SLC16A7: variants seen among roughly 807,000 people sequenced by gnomAD.
SLC16A7 encodes solute carrier family 16 member 7.
Under a neutral mutation model 34.9 loss-of-function variants are expected in SLC16A7, and 33 were observed. The observed-to-expected ratio is 0.94, with a 90% CI of 0.72 to 1.26. SLC16A7 has a LOEUF of 1.26. Among genes scored for constraint, SLC16A7 ranks in the 50% most tolerant of loss-of-function variants. The pLI is 0.00. For synonymous variants in SLC16A7, 201 were observed against 206.6 expected, an observed-to-expected ratio of 0.97 and a Z score of 0.23; for missense variants, 573 against 578.1, an observed-to-expected ratio of 0.99 and a Z score of 0.09.
chr12:59,767,163 T>C (rs1881743601), intron 3 of SLC16A7, among the ~76,000 whole-genome samples: 1 of 151,376 alleles, frequency 6.6e-6, no homozygotes, highest in Non-Finnish European at 1.5e-5. Context: ...TTTACTAGCT[T>C]CTAGTATGCA....
Position 59,720,483 on chromosome 12 carries a change from T to G in SLC16A7, c.217+15465T>G, listed in dbSNP as rs1371101949. 2.0e-5 allele frequency among the ~76,000 whole-genome samples: 3 copies of G among 152,120 alleles called. No individual in the cohort carries two copies. In the East Asian group the frequency reaches 5.8e-4, roughly 29 times the overall value. The stretch of plus-strand genomic sequence containing the variant: ...GGAATGTCCTGTTTCCGGTATCTCC[T>G]TAAGTGTGTTATCCATCCCTTCTAA... On this transcript the variant is annotated intron_variant, in intron 3 of 5. Coordinates refer to ENST00000547379, the MANE Select transcript of SLC16A7 (RefSeq NM_001270623.2).
intron 2 of SLC16A7, among the ~76,000 whole-genome samples, chr12:59,704,135 G>A (rs1873223138): frequency 6.9e-6 from 1 of 145,802 alleles, no homozygotes; most frequent in African/African-American, 2.6e-5. Flanking sequence ...GGGAGGCACA[G>A]GTTCCAGTGA....
At chr12:59,692,331 A>G (rs1871763629) in intron 2 of SLC16A7, among the ~76,000 whole-genome samples, 1 of 151,976 alleles carries the variant, frequency 6.6e-6, no homozygotes. Context: ...CTTTTGCCAT[A>G]TAAGGTAATA....
intron 3 of SLC16A7, among the ~76,000 whole-genome samples, chr12:59,760,698 G>C (rs187679080): frequency 1.3e-5 from 2 of 151,952 alleles, no homozygotes; most frequent in South Asian, 2.1e-4. Context: ...TCTATACAGC[G>C]TGAATACACA....
chr12:59,740,929 A>T (rs1171897784), intron 3 of SLC16A7, among the ~76,000 whole-genome samples: 2 of 152,214 alleles, frequency 1.3e-5, no homozygotes, highest in Non-Finnish European at 2.9e-5. Flanking sequence ...AGACAAACAG[A>T]GAGCCAAATC....
rs937150881 is a variant in SLC16A7, at chr12:59,775,539, T to C, written c.1180+64T>C. ...AATTAATATCCATTAACGGAGACTTTATATACAGATGTTTAAATGTGTTTT... is the reference window on the plus strand; with the variant it reads ...AATTAATATCCATTAACGGAGACTTCATATACAGATGTTTAAATGTGTTTT... On this transcript the variant is annotated intron_variant, in intron 5 of 5. Coordinates refer to ENST00000547379, the MANE Select transcript of SLC16A7 (RefSeq NM_001270623.2). 7.0e-6 allele frequency: 8 copies of C among 1,143,886 alleles called. No homozygotes were observed. In the African/African-American group the frequency reaches 1.2e-4, roughly 18 times the overall value. 70.9% of individuals were successfully genotyped at this position (1,143,886 alleles called of 1,614,324 possible). A position where few individuals can be genotyped will look rare whatever the true frequency, so the allele number is the denominator to read the frequency against.
intron 3 of SLC16A7, among the ~76,000 whole-genome samples, chr12:59,746,172 T>G (rs1878868840): frequency 6.6e-6 from 1 of 152,224 alleles, no homozygotes; most frequent in Non-Finnish European, 1.5e-5. Flanking sequence ...AAGAAATAAC[T>G]GTCTTCGAAG....
intron 2 of SLC16A7, among the ~76,000 whole-genome samples, chr12:59,656,645 A>C (rs1868549121): frequency 6.6e-6 from 1 of 152,026 alleles, no homozygotes; most frequent in African/African-American, 2.4e-5. Flanking sequence ...TGTTTGTTAC[A>C]GCAGCAACAG....
intron 1 of SLC16A7, among the ~76,000 whole-genome samples, chr12:59,612,157 GC>G (rs1472987993): frequency 6.6e-6 from 1 of 152,222 alleles, no homozygotes; most frequent in East Asian, 1.9e-4. Flanking sequence ...TGAGGGCCTT[GC>G]CCCTGCAGCA....
chr12:59,772,217 T>C (rs1882301674), intron 4 of SLC16A7, among the ~76,000 whole-genome samples: 1 of 152,154 alleles, frequency 6.6e-6, no homozygotes, highest in African/African-American at 2.4e-5. Flanking sequence ...AAACATGTAT[T>C]GAAGCTTACA....
chr12:59,676,993 C>T (rs1405426105), intron 2 of SLC16A7, among the ~76,000 whole-genome samples: 6 of 152,120 alleles, frequency 3.9e-5, no homozygotes, highest in Non-Finnish European at 7.4e-5. Flanking sequence ...TTCATCTGCA[C>T]CCTGTTCCAT....
intron 1 of SLC16A7, among the ~76,000 whole-genome samples, chr12:59,613,492 T>A (rs1879296013): frequency 6.6e-6 from 1 of 152,182 alleles, no homozygotes; most frequent in South Asian, 2.1e-4. Context: ...ACATATATAT[T>A]CAGTGTACAG....
chr12:59,615,304 G>T (rs1249722813), intron 1 of SLC16A7, among the ~76,000 whole-genome samples: 3 of 151,986 alleles, frequency 2.0e-5, no homozygotes, highest in Middle Eastern at 3.4e-3. Flanking sequence ...AAGAGAACAG[G>T]TCTCTCCTTT....
In SLC16A7 at chr12:59,622,965, G is replaced by C. The variant is rs369121414; in HGVS notation, c.-130+26729G>C. 4.0e-5 allele frequency among the ~76,000 whole-genome samples: 6 copies of C among 151,610 alleles called. No homozygotes were observed. In the East Asian group the frequency reaches 5.8e-4, roughly 15 times the overall value. On this transcript the variant is annotated intron_variant, in intron 1 of 5. Coordinates refer to ENST00000547379, the MANE Select transcript of SLC16A7 (RefSeq NM_001270623.2). ...TGTTTTTGTTTTTTCTGCATGGTGGGAGGGGAAAAGGTAGTGTCATATTTT... is the reference window on the plus strand; with the variant it reads ...TGTTTTTGTTTTTTCTGCATGGTGGCAGGGGAAAAGGTAGTGTCATATTTT...
At chr12:59,609,192 C>A (rs899475290) in intron 1 of SLC16A7, among the ~76,000 whole-genome samples, 5 of 152,150 alleles carry the variant, frequency 3.3e-5, no homozygotes, top group African/African-American at 1.2e-4. Context: ...TGGAAGATGG[C>A]AAAGGATGGA....
intron 1 of SLC16A7, among the ~76,000 whole-genome samples, chr12:59,642,360 G>A (rs550005192): frequency 1.3e-5 from 2 of 151,856 alleles, no homozygotes; most frequent in African/African-American, 4.8e-5. Context: ...TTAGATATCC[G>A]TTCTTAGTGT....
chr12:59,613,973 A>C (rs975917582), intron 1 of SLC16A7, among the ~76,000 whole-genome samples: 1 of 152,180 alleles, frequency 6.6e-6, no homozygotes, highest in African/African-American at 2.4e-5. Flanking sequence ...TACCGAATGA[A>C]ACAAATTTGA....
chr12:59,719,422 C>T (rs1264872382), intron 3 of SLC16A7, among the ~76,000 whole-genome samples: 1 of 151,278 alleles, frequency 6.6e-6, no homozygotes, highest in East Asian at 1.9e-4. Flanking sequence ...AAAATGGGGC[C>T]CAAGAGAAGC....
chr12:59,707,264 A>T (rs1042929151), intron 3 of SLC16A7, among the ~76,000 whole-genome samples: 5 of 152,112 alleles, frequency 3.3e-5, no homozygotes, highest in Admixed American at 6.6e-5. Context: ...AAGAAACAGA[A>T]CTACATAACA....
Sources: allele counts gnomAD v4.1 joint callset (sites outside exome capture counted in the v4.1 genomes callset), GRCh38; gene constraint gnomAD v4.1.1; transcripts MANE v1.5; gene names NCBI Gene and HGNC (gene_info 2026-07-23, HGNC 2026-07-21).